The following KATNIP variants were observed in gnomAD, a reference collection of about 807,000 sequenced individuals.
KATNIP encodes the protein katanin interacting protein.
In KATNIP, 126 loss-of-function variants were observed where a neutral mutation model predicts 174.0. The observed-to-expected ratio is 0.72, with a 90% confidence interval of 0.63 to 0.84. The LOEUF (loss-of-function observed/expected upper bound fraction) is 0.84. KATNIP is among the 40% of genes least tolerant of loss of function. The pLI, the probability that KATNIP is intolerant of heterozygous loss-of-function variation, is 0.00. For synonymous variants in KATNIP, 810 were observed against 835.7 expected, an observed-to-expected ratio of 0.97 and a Z score of 0.53; for missense variants, 1,958 against 2,109.7, an observed-to-expected ratio of 0.93 and a Z score of 1.41.
At chr16:27,638,645 C>A (rs1217551913) in intron 5 of KATNIP, among the ~76,000 whole-genome samples, 3 of 152,032 alleles carry the variant, frequency 2.0e-5, no homozygotes, top group Non-Finnish European at 4.4e-5. Flanking sequence ...AGGGCCATGC[C>A]AACCAGGAGG....
intron 6 of KATNIP, among the ~76,000 whole-genome samples, chr16:27,656,535 A>G (rs1252801916): frequency 6.6e-6 from 1 of 151,922 alleles, no homozygotes; most frequent in African/African-American, 2.4e-5. Flanking sequence ...ACTTGGAACC[A>G]ACCCAAATGT....
intron 8 of KATNIP, among the ~76,000 whole-genome samples, chr16:27,685,625 G>A (rs1431482632): frequency 6.6e-6 from 1 of 152,158 alleles, no homozygotes; most frequent in African/African-American, 2.4e-5. Flanking sequence ...TCTTAGGGTA[G>A]TTTGTTCCAT....
rs764473875 is a variant in KATNIP at position 27,612,226 on chromosome 16, A to ACC, written c.64-6199_64-6198insCC. 2.7e-4 allele frequency among the ~76,000 whole-genome samples: 41 copies of ACC among 152,266 alleles called. No homozygotes were observed. In the East Asian group the frequency reaches 6.2e-3, roughly 23 times the overall value. ...TCACTTAACCCTGTGAGGGAAAGAAAAGTTCCACCAGACAACAGGTACAGG... is the reference window on the plus strand; with the variant it reads ...TCACTTAACCCTGTGAGGGAAAGAAACCAGTTCCACCAGACAACAGGTACAGG... On this transcript the variant is annotated intron_variant, in intron 2 of 27. Coordinates refer to ENST00000261588, the MANE Select transcript of KATNIP (RefSeq NM_015202.5).
intron 7 of KATNIP, 142 bp from the exon 8 acceptor site, chr16:27,681,257 C>T: frequency 1.9e-6 from 2 of 1,075,176 alleles, no homozygotes; most frequent in Middle Eastern, 2.1e-4. Context: ...GCATTATTCA[C>T]ATCTCTAATC....
chr16:27,763,018 G>T (rs1254202161), intron 19 of KATNIP, among the ~76,000 whole-genome samples: 1 of 152,116 alleles, frequency 6.6e-6, no homozygotes, highest in East Asian at 1.9e-4. Flanking sequence ...TGGTACCATT[G>T]TTATACTTGA....
chr16:27,719,586 G>A (rs927020641), intron 13 of KATNIP, among the ~76,000 whole-genome samples: 3 of 151,586 alleles, frequency 2.0e-5, no homozygotes, highest in African/African-American at 7.3e-5. Context: ...TCACTACGTT[G>A]GCCAGGCTGG....
chr16:27,772,450 T>A (rs2082339212), intron 22 of KATNIP, among the ~76,000 whole-genome samples: 1 of 152,202 alleles, frequency 6.6e-6, no homozygotes, highest in Non-Finnish European at 1.5e-5. Context: ...GGCTATGCCA[T>A]CATCTGAGAG....
intron 5 of KATNIP, among the ~76,000 whole-genome samples, chr16:27,642,408 G>A (rs557524516): frequency 2.0e-5 from 3 of 152,188 alleles, no homozygotes; most frequent in Non-Finnish European, 4.4e-5. Context: ...ACCAGAGCCT[G>A]TTGTGGGGGG....
chr16:27,600,832 C>T (rs1200580333), intron 2 of KATNIP, among the ~76,000 whole-genome samples: 1 of 151,822 alleles, frequency 6.6e-6, no homozygotes, highest in African/African-American at 2.4e-5. Context: ...CAGATTCAAG[C>T]GATTCTCCTG....
At chr16:27,636,251 G>A (rs1291808342) in intron 5 of KATNIP, among the ~76,000 whole-genome samples, 6 of 152,194 alleles carry the variant, frequency 3.9e-5, no homozygotes, top group African/African-American at 1.4e-4. Flanking sequence ...CCAGCAGCAG[G>A]AGCCAAGTCC....
At chr16:27,633,319 T>G (rs2076545029) in intron 5 of KATNIP, among the ~76,000 whole-genome samples, 1 of 152,078 alleles carries the variant, frequency 6.6e-6, no homozygotes, top group Non-Finnish European at 1.5e-5. Flanking sequence ...CCCCCGGAGA[T>G]TCTGACTTGC....
chr16:27,748,235 TG>T (rs1329403350), intron 15 of KATNIP, among the ~76,000 whole-genome samples: 53 of 152,250 alleles, frequency 3.5e-4, no homozygotes, highest in African/African-American at 1.0e-3. Context: ...TTTAGCCATG[TG>T]TGCAAGTAAA....
At chr16:27,622,739 G>A (rs941237474) in intron 3 of KATNIP, among the ~76,000 whole-genome samples, 3 of 152,170 alleles carry the variant, frequency 2.0e-5, no homozygotes, top group Admixed American at 1.3e-4. Context: ...AAGAAGGAAG[G>A]AGAGAACCAG....
At chr16:27,550,296 G>C in intron 1 of KATNIP, 119 bp downstream of exon 1, 2 of 1,192,446 alleles carry the variant, frequency 1.7e-6, no homozygotes, top group Non-Finnish European at 1.2e-6. Context: ...GACCCAAGGG[G>C]GTCTCCGAAA....
intron 1 of KATNIP, among the ~76,000 whole-genome samples, chr16:27,565,235 G>A: frequency 6.6e-6 from 1 of 151,388 alleles, no homozygotes; most frequent in Admixed American, 6.6e-5. Flanking sequence ...GGAGGCCGAG[G>A]CGGGTGGATC....
intron 3 of KATNIP, among the ~76,000 whole-genome samples, chr16:27,619,910 C>T (rs2076145709): frequency 6.6e-6 from 1 of 152,170 alleles, no homozygotes; most frequent in Non-Finnish European, 1.5e-5. Flanking sequence ...ACGTGGGTTT[C>T]CATCATCATT....
At chr16:27,561,781 T>G (rs2089893914) in intron 1 of KATNIP, among the ~76,000 whole-genome samples, 1 of 152,136 alleles carries the variant, frequency 6.6e-6, no homozygotes, top group East Asian at 1.9e-4. Flanking sequence ...GTCACAAAAG[T>G]TAGAGTTGGA....
chr16:27,638,304 GA>G (rs1360357001), intron 5 of KATNIP, among the ~76,000 whole-genome samples: 27 of 152,210 alleles, frequency 1.8e-4, no homozygotes, highest in Non-Finnish European at 8.8e-5. Flanking sequence ...GTAGCAGAGT[GA>G]ATAGACTGGG....
chr16:27,619,950 A>G (rs1464855643), intron 3 of KATNIP, among the ~76,000 whole-genome samples: 1 of 152,210 alleles, frequency 6.6e-6, no homozygotes, highest in African/African-American at 2.4e-5. Context: ...TTTTTATTCA[A>G]TCTCTGGCAG....
Sources: allele counts gnomAD v4.1 joint callset (sites outside exome capture counted in the v4.1 genomes callset), GRCh38; gene constraint gnomAD v4.1.1; transcripts MANE v1.5; gene names NCBI Gene and HGNC (gene_info 2026-07-23, HGNC 2026-07-21).